SRCIN1: variants seen among roughly 807,000 people sequenced by gnomAD.
SRCIN1 encodes the protein P130Cas-associated protein.
In SRCIN1, 50 loss-of-function variants were observed where a neutral mutation model predicts 116.2. That is an observed-to-expected ratio of 0.43 (90% confidence interval 0.34 to 0.54). SRCIN1 has a LOEUF of 0.54. SRCIN1 is among the 20% of genes least tolerant of loss of function. The pLI is 0.02. For synonymous variants in SRCIN1, 736 were observed against 750.0 expected (o/e 0.98, Z 0.30); for missense variants, 1,446 against 1,672.0 (o/e 0.86, Z 2.36).
intron 1 of SRCIN1, among the ~76,000 whole-genome samples, chr17:38,599,250 T>C (rs892720089): frequency 6.6e-6 from 1 of 152,046 alleles, no homozygotes; most frequent in African/African-American, 2.4e-5. Context: ...ATTGCCAAGG[T>C]CACACAGCAG....
At chr17:38,587,840 A>C (rs965724459) in intron 1 of SRCIN1, among the ~76,000 whole-genome samples, 1 of 152,168 alleles carries the variant, frequency 6.6e-6, no homozygotes, top group Non-Finnish European at 1.5e-5. Context: ...TCCGAACTGC[A>C]CATTCAGACA....
chr17:38,538,627 A>G (rs1423336555), intron 18 of SRCIN1, among the ~76,000 whole-genome samples: 1 of 152,066 alleles, frequency 6.6e-6, no homozygotes, highest in Non-Finnish European at 1.5e-5. Context: ...AGCTGAAAGC[A>G]TTCTCACTGA....
At chr17:38,546,986 A>G (rs925724530) in intron 17 of SRCIN1, among the ~76,000 whole-genome samples, 2 of 152,180 alleles carry the variant, frequency 1.3e-5, no homozygotes, top group Non-Finnish European at 2.9e-5. Flanking sequence ...CTCCTCCCCA[A>G]GCACAGTCCC....
intron 1 of SRCIN1, among the ~76,000 whole-genome samples, chr17:38,584,160 TAGAG>T (rs1396349166): frequency 2.2e-4 from 33 of 151,988 alleles, no homozygotes; most frequent in Non-Finnish European, 4.4e-4. Context: ...GGCATTGCGA[TAGAG>T]AGAGACGGAG....
chr17:38,594,126 T>C (rs1464162492), intron 1 of SRCIN1, among the ~76,000 whole-genome samples: 1 of 152,204 alleles, frequency 6.6e-6, no homozygotes, highest in Admixed American at 6.5e-5. Flanking sequence ...GAGCCCACCC[T>C]GCAGGCTGAG....
chr17:38,550,039 G>C (rs186451097), intron 15 of SRCIN1, among the ~76,000 whole-genome samples: 34 of 152,252 alleles, frequency 2.2e-4, no homozygotes, highest in African/African-American at 8.0e-4. Context: ...GGACTGCACA[G>C]TACCGGCATT....
chr17:38,596,540 C>T (rs961763548), intron 1 of SRCIN1, among the ~76,000 whole-genome samples: 1 of 152,112 alleles, frequency 6.6e-6, no homozygotes, highest in African/African-American at 2.4e-5. Flanking sequence ...ACTGAGGTGC[C>T]CAACCTAGAC....
rs897287266 is a variant in SRCIN1, at chr17:38,559,740, T to C, written c.1870A>G (p.Thr624Ala). The C allele has an allele frequency of 1.9e-6, 3 of 1,538,830 alleles. No homozygotes were observed. The highest frequency in any genetic ancestry group is 1.4e-5 in the African/African-American group (1 of 72,914). ...CGSGGRSSGA[T>A]PVSGPPPPSA... ...GGCGGGGGCGGGCCGGACACCGGGGTGGCCCCGCTGCTCCGGCCGCCTGAC... is the reference window on the plus strand; with the variant it reads ...GGCGGGGGCGGGCCGGACACCGGGGCGGCCCCGCTGCTCCGGCCGCCTGAC... Residue 624 changes from threonine to alanine, a missense_variant, in exon 10 of 19, where the codon ACC becomes GCC. By Grantham distance (58) the Thr-to-Ala change is moderately conservative. Coordinates refer to ENST00000617146, the MANE Select transcript of SRCIN1 (RefSeq NM_025248.3).
At position 38,552,158 on chromosome 17, in the gene SRCIN1, C is replaced by T; in HGVS notation, c.2481-26G>A. The T allele has an allele frequency of 6.3e-7, 1 of 1,593,684 alleles. No homozygotes were observed. The highest frequency in any genetic ancestry group is 8.6e-7 in the Non-Finnish European group (1 of 1,168,302). On this transcript the variant is annotated intron_variant, in intron 13 of 18. Transcript: ENST00000617146. The surrounding 1 kb of genome is among the most constrained non-coding windows in gnomAD (Gnocchi z 5.3). ...CTGGGGTTGGGAGAGTTGGGAGCAG[C>T]TGTGAGGCCAGCAGGTGGTGACCCT...
chr17:38,601,689 A>G (rs1263998769), intron 1 of SRCIN1, among the ~76,000 whole-genome samples: 1 of 151,944 alleles, frequency 6.6e-6, no homozygotes, highest in African/African-American at 2.4e-5. Flanking sequence ...CACATCGCTA[A>G]GTGCTCTGCA....
At chr17:38,557,730 TAGGA>T (rs1224708494) in intron 11 of SRCIN1, among the ~76,000 whole-genome samples, 1 of 152,198 alleles carries the variant, frequency 6.6e-6, no homozygotes, top group African/African-American at 2.4e-5. Context: ...CCAGCTGCAC[TAGGA>T]AGGAAGGTGG....
At chr17:38,574,294 G>A (rs1907266950) in intron 2 of SRCIN1, among the ~76,000 whole-genome samples, 1 of 152,162 alleles carries the variant, frequency 6.6e-6, no homozygotes, top group Admixed American at 6.5e-5. Flanking sequence ...ATGTGTCCCT[G>A]TCTAAGCTAA....
intron 2 of SRCIN1, among the ~76,000 whole-genome samples, chr17:38,576,209 C>G (rs1253149256): frequency 6.6e-6 from 1 of 152,104 alleles, no homozygotes; most frequent in Non-Finnish European, 1.5e-5. Context: ...AAGTCTGTGG[C>G]TGGGGCTCCT....
In SRCIN1 at chr17:38,563,024, C is replaced by A; in HGVS notation, c.741-104G>T. The stretch of plus-strand genomic sequence containing the variant: ...AGAGAAGAGGGGTGGCCAGAGGCAC[C>A]GGGAGCCCCATCTCAGGCTGCCTGC... On this transcript the variant is annotated intron_variant, in intron 5 of 18. Coordinates refer to ENST00000617146, the MANE Select transcript of SRCIN1 (RefSeq NM_025248.3). The surrounding 1 kb of genome is among the most constrained non-coding windows in gnomAD (Gnocchi z 5.8). The A allele has an allele frequency of 9.9e-7, 1 of 1,005,842 alleles. No homozygotes were observed. Among genetic ancestry groups the A allele is most frequent in the East Asian group, 2.6e-5 (1 of 38,450 alleles). 62.3% of individuals were successfully genotyped at this position (1,005,842 alleles called of 1,614,324 possible). A position where few individuals can be genotyped will look rare whatever the true frequency, so the allele number is the denominator to read the frequency against.
chr17:38,570,453 G>A (rs7210091), intron 2 of SRCIN1, among the ~76,000 whole-genome samples: 3,594 of 152,230 alleles, frequency 0.024, 142 homozygotes, highest in African/African-American at 0.081. Flanking sequence ...ACACACACAC[G>A]GCCTCAGAGC....
chr17:38,597,255 G>C (rs1908776572), intron 1 of SRCIN1, among the ~76,000 whole-genome samples: 1 of 152,220 alleles, frequency 6.6e-6, no homozygotes, highest in African/African-American at 2.4e-5. Context: ...GAGGCAGTGG[G>C]AGGCACAAAA....
At chr17:38,587,014 G>A (rs1046717813) in intron 1 of SRCIN1, among the ~76,000 whole-genome samples, 5 of 151,916 alleles carry the variant, frequency 3.3e-5, no homozygotes, top group Admixed American at 6.5e-5. Context: ...GGAGGGGGGC[G>A]GGCATCAGAT....
At chr17:38,600,759 G>C (rs897862994) in intron 1 of SRCIN1, among the ~76,000 whole-genome samples, 2 of 152,248 alleles carry the variant, frequency 1.3e-5, no homozygotes, top group Admixed American at 6.5e-5. Flanking sequence ...GGCAACTTTG[G>C]TGAATTCACC....
rs1597946075 is a variant in SRCIN1, at chr17:38,604,774, T to G, written c.22+910A>C. Reference sequence around the variant, plus strand: ...GGGAGCTTCTGACGTAGCAGGGGGGTGCGTGGGAGGGGAGGGGGGGCCACG... The same window carrying G: ...GGGAGCTTCTGACGTAGCAGGGGGGGGCGTGGGAGGGGAGGGGGGGCCACG... On this transcript the variant is annotated intron_variant, in intron 1 of 18. Transcript: ENST00000617146. This position sits in a 1 kb window ranked among gnomAD's most constrained non-coding sequence, Gnocchi z 4.3. Among the ~76,000 whole-genome samples the G allele has an allele frequency of 6.7e-6, 1 of 150,110 alleles. No individual in the cohort carries two copies.
Sources: gnomAD v4.1 joint callset for allele counts (sites outside exome capture counted in the v4.1 genomes callset) on GRCh38, gnomAD v4.1.1 for gene constraint, Gnocchi (gnomAD v3.1) non-coding constraint, MANE v1.5 for transcripts, NCBI Gene and HGNC (gene_info 2026-07-23, HGNC 2026-07-21) for gene names.